Variants in DCC observed in about 807,000 individuals in gnomAD.
The protein encoded by DCC is DCC netrin 1 receptor.
DCC carries 58 observed loss-of-function variants against 172.5 expected under a neutral mutation model. The ratio of observed to expected loss-of-function variants is 0.34; its 90% CI spans 0.27 to 0.42. DCC has a LOEUF of 0.42. Ranked by LOEUF, DCC falls within the 10% of genes least tolerant of loss-of-function variation. The pLI is 1.00. For synonymous variants in DCC, 709 were observed against 644.5 expected, an observed-to-expected ratio of 1.10 and a Z score of -1.52; for missense variants, 1,740 against 1,791.0, an observed-to-expected ratio of 0.97 and a Z score of 0.51.
chr18:53,431,471 TTTG>T (rs750287450), intron 21 of DCC, among the ~76,000 whole-genome samples: 32 of 129,732 alleles, frequency 2.5e-4, no homozygotes, highest in East Asian at 5.9e-4. Flanking sequence ...CACTTTGTTT[TTTG>T]TTGTTGTTGT....
At chr18:53,354,541 G>T (rs1030846891) in intron 15 of DCC, among the ~76,000 whole-genome samples, 19 of 152,046 alleles carry the variant, frequency 1.2e-4, no homozygotes, top group African/African-American at 3.9e-4. Flanking sequence ...TCATGTGTCT[G>T]TTGGCTGCAT....
At position 53,520,593 on chromosome 18, in the gene DCC, A is replaced by G. The variant is rs144819180; in HGVS notation, c.4112-6024A>G. Among the ~76,000 whole-genome samples the G allele has an allele frequency of 3.9e-5, 6 of 152,110 alleles. No homozygotes were observed. The East Asian group carries it at 9.7e-4, about 25-fold the overall frequency. ...AGCTACAAGCACTTAAGGAAAAAGC[A>G]CTGCTTGGTGAGCTTGTAGGGACCC... On this transcript the variant is annotated intron_variant, in intron 27 of 28. Coordinates refer to ENST00000442544, the MANE Select transcript of DCC (RefSeq NM_005215.4).
At chr18:52,522,301 C>A (rs560347391) in intron 1 of DCC, among the ~76,000 whole-genome samples, 63 of 152,056 alleles carry the variant, frequency 4.1e-4, no homozygotes, top group Admixed American at 7.2e-4. Flanking sequence ...GATCTAGATT[C>A]CATGGAAATT....
intron 2 of DCC, among the ~76,000 whole-genome samples, chr18:52,776,802 A>G (rs2078924631): frequency 6.6e-6 from 1 of 152,242 alleles, no homozygotes; most frequent in Non-Finnish European, 1.5e-5. Context: ...TACTTTGAGA[A>G]AAGTTTTCTG....
chr18:53,106,273 C>T (rs1461550858), intron 7 of DCC, among the ~76,000 whole-genome samples: 1 of 151,878 alleles, frequency 6.6e-6, no homozygotes, highest in Admixed American at 6.6e-5. Flanking sequence ...TTGCCATCTG[C>T]CAAATGCAGA....
chr18:52,366,792 A>G (rs895726598), intron 1 of DCC, among the ~76,000 whole-genome samples: 1 of 152,236 alleles, frequency 6.6e-6, no homozygotes, highest in African/African-American at 2.4e-5. Flanking sequence ...TGAGCTAGAC[A>G]TAAAGACTCT....
chr18:53,067,457 G>C lies in DCC; in HGVS notation c.1261+1291G>C, dbSNP rs552201865. On this transcript the variant is annotated intron_variant, in intron 7 of 28. Transcript: ENST00000442544. ...CAATCGTTTGAGCCCAGGGTGTTGA[G>C]GCTGCAGTGAGCTATGATCACACTA... Among the ~76,000 whole-genome samples, 5 of 152,244 alleles carry C rather than the reference G, an allele frequency of 3.3e-5. No homozygotes were observed. In the East Asian group the frequency reaches 9.7e-4, roughly 29 times the overall value.
At chr18:52,964,151 C>T (rs189729308) in intron 5 of DCC, among the ~76,000 whole-genome samples, 9 of 152,226 alleles carry the variant, frequency 5.9e-5, no homozygotes, top group Admixed American at 2.0e-4. Flanking sequence ...GTAAATTTCA[C>T]TCTGCTCTTT....
chr18:53,079,620 C>A (rs72917327), intron 7 of DCC, among the ~76,000 whole-genome samples: 16,810 of 152,032 alleles, frequency 0.11, 1,063 homozygotes, highest in Non-Finnish European at 0.13. Context: ...TTTTGAATCC[C>A]AGGAATATTT....
intron 22 of DCC, 91 bp downstream of exon 22, chr18:53,435,300 A>C: frequency 2.4e-6 from 2 of 820,930 alleles, no homozygotes; most frequent in South Asian, 2.8e-5. Flanking sequence ...ATCAACTACA[A>C]GTGCCAGGAA....
chr18:53,198,475 C>T (rs2055484126), intron 9 of DCC, among the ~76,000 whole-genome samples: 1 of 151,960 alleles, frequency 6.6e-6, no homozygotes, highest in African/African-American at 2.4e-5. Context: ...CACATACAGA[C>T]ACACACATGC....
At chr18:52,619,084 T>C (rs1386576507) in intron 1 of DCC, among the ~76,000 whole-genome samples, 1 of 152,144 alleles carries the variant, frequency 6.6e-6, no homozygotes, top group Non-Finnish European at 1.5e-5. Context: ...ATTACGGGCA[T>C]GCACCGCTAT....
At chr18:52,821,549 C>T (rs900678652) in intron 2 of DCC, among the ~76,000 whole-genome samples, 3 of 152,180 alleles carry the variant, frequency 2.0e-5, no homozygotes, top group African/African-American at 7.2e-5. Context: ...CCGGCTTTAG[C>T]CCCCTTCAAT....
intron 13 of DCC, among the ~76,000 whole-genome samples, chr18:53,317,883 T>G (rs929798420): frequency 6.6e-6 from 1 of 152,162 alleles, no homozygotes; most frequent in African/African-American, 2.4e-5. Flanking sequence ...TTTTCTTCTT[T>G]ATTTGTCTGG....
At chr18:52,450,489 A>T (rs1988267822) in intron 1 of DCC, among the ~76,000 whole-genome samples, 1 of 152,188 alleles carries the variant, frequency 6.6e-6, no homozygotes, top group Non-Finnish European at 1.5e-5. Flanking sequence ...TATCATTTTT[A>T]TTCTCAAAAT....
chr18:53,260,583 C>G (rs938563729), intron 12 of DCC, among the ~76,000 whole-genome samples: 4 of 152,066 alleles, frequency 2.6e-5, no homozygotes, highest in African/African-American at 4.8e-5. Context: ...CGGAGGAGTA[C>G]CTGGCTGTGT....
intron 7 of DCC, among the ~76,000 whole-genome samples, chr18:53,118,431 A>G (rs1026162345): frequency 1.3e-5 from 2 of 151,746 alleles, no homozygotes; most frequent in South Asian, 4.1e-4. Flanking sequence ...ATTCCATGTC[A>G]TTCTTGGCTT....
At chr18:53,449,458 T>G (rs1243139558) in intron 22 of DCC, among the ~76,000 whole-genome samples, 3 of 152,212 alleles carry the variant, frequency 2.0e-5, no homozygotes, top group Non-Finnish European at 4.4e-5. Flanking sequence ...ACATTTGTGT[T>G]AGGACTTTGT....
intron 2 of DCC, among the ~76,000 whole-genome samples, chr18:52,789,877 C>T (rs1469726808): frequency 6.6e-6 from 1 of 152,166 alleles, no homozygotes; most frequent in East Asian, 1.9e-4. Context: ...ATATACTTCC[C>T]TCTTGTCTGG....
Sources: gnomAD v4.1 joint callset for allele counts (sites outside exome capture counted in the v4.1 genomes callset) on GRCh38, gnomAD v4.1.1 for gene constraint, MANE v1.5 for transcripts, NCBI Gene and HGNC (gene_info 2026-07-23, HGNC 2026-07-21) for gene names.